The following DKK2 variants were observed in gnomAD, a reference collection of about 807,000 sequenced individuals.
The protein encoded by DKK2 is dickkopf-related protein 2.
In DKK2, 11 loss-of-function variants were observed where a neutral mutation model predicts 28.1. The ratio of observed to expected loss-of-function variants is 0.39; its 90% confidence interval spans 0.25 to 0.65. The LOEUF (loss-of-function observed/expected upper bound fraction) is 0.65, where lower values mean the gene tolerates loss of function less well. DKK2 is among the 30% of genes least tolerant of loss of function. DKK2 has a pLI of 0.47. For missense variants in DKK2, 326 were observed against 335.5 expected (o/e 0.97, Z 0.22); for synonymous variants, 135 against 126.5 (o/e 1.07, Z -0.45).
At chr4:106,940,017 C>G (rs1316218999) in intron 1 of DKK2, among the ~76,000 whole-genome samples, 2 of 152,234 alleles carry the variant, frequency 1.3e-5, no homozygotes, top group East Asian at 3.9e-4. Flanking sequence ...TAGAAGAAAA[C>G]CTAGGCAATA....
rs1724366658 is a variant in DKK2, at chr4:106,922,819, A to G, written c.*1135T>C. 2 of 152,220 alleles carry G rather than the reference A, an allele frequency of 1.3e-5. No homozygotes were observed. Among genetic ancestry groups the G allele is most frequent in the Admixed American group, 6.5e-5 (1 of 15,270 alleles). The allele number at this position is 152,220 out of a possible 1,614,324, so 9.4% of individuals were successfully genotyped here. ...TTTAGACTGTGCATCCCCTGGTTTCAAAGATGAACAGCCAACTTGTGCCTC... is the reference window on the plus strand; with the variant it reads ...TTTAGACTGTGCATCCCCTGGTTTCGAAGATGAACAGCCAACTTGTGCCTC... On this transcript the variant is annotated 3_prime_UTR_variant, in exon 4 of 4. Coordinates refer to ENST00000285311, the MANE Select transcript of DKK2 (RefSeq NM_014421.3).
At chr4:106,939,211 C>T (rs1724651082) in intron 1 of DKK2, among the ~76,000 whole-genome samples, 1 of 152,128 alleles carries the variant, frequency 6.6e-6, no homozygotes, top group Non-Finnish European at 1.5e-5. Flanking sequence ...ATCTAGAAAA[C>T]CCCATTATCT....
chr4:107,035,314 A>C, intron 1 of DKK2, 56 bp downstream of exon 1: 1 of 1,591,624 alleles, frequency 6.3e-7, no homozygotes, highest in South Asian at 1.1e-5. Flanking sequence ...CCGCTAGCCC[A>C]AGAGAGCTGG....
intron 1 of DKK2, among the ~76,000 whole-genome samples, chr4:106,934,663 C>T (rs1048159742): frequency 1.3e-5 from 2 of 152,174 alleles, no homozygotes; most frequent in African/African-American, 4.8e-5. Flanking sequence ...GTTGAATTCT[C>T]TTTCATTTCC....
chr4:107,024,004 A>G lies in DKK2; in HGVS notation c.222+11366T>C, dbSNP rs1464999056. The stretch of plus-strand genomic sequence containing the variant: ...TGTGTTTTCAACAACTTTGAAAAAC[A>G]CTCACTTTCTTCTTTAAAAAGTTTT... On this transcript the variant is annotated intron_variant, in intron 1 of 3. Transcript: ENST00000285311. Among the ~76,000 whole-genome samples, 5 of 152,132 alleles carry G rather than the reference A, an allele frequency of 3.3e-5. No individual in the cohort carries two copies. In the South Asian group the frequency reaches 1.0e-3, roughly 31 times the overall value.
At chr4:107,034,472 G>A (rs530478005) in intron 1 of DKK2, among the ~76,000 whole-genome samples, 1 of 152,254 alleles carries the variant, frequency 6.6e-6, no homozygotes, top group African/African-American at 2.4e-5. Context: ...CCGAGTGTGC[G>A]CGCTCGTCTC....
At chr4:106,989,567 C>G (rs1723175572) in intron 1 of DKK2, among the ~76,000 whole-genome samples, 1 of 152,150 alleles carries the variant, frequency 6.6e-6, no homozygotes, top group Admixed American at 6.5e-5. Flanking sequence ...GTAGAGCACA[C>G]TATAAAAATT....
intron 1 of DKK2, among the ~76,000 whole-genome samples, chr4:107,018,782 G>A (rs934005284): frequency 2.6e-5 from 4 of 151,946 alleles, no homozygotes; most frequent in Non-Finnish European, 5.9e-5. Context: ...TGGACAATAC[G>A]AACTCTATTG....
At chr4:106,947,231 G>A (rs766686668) in intron 1 of DKK2, among the ~76,000 whole-genome samples, 2 of 151,954 alleles carry the variant, frequency 1.3e-5, no homozygotes, top group Non-Finnish European at 2.9e-5. Context: ...TTTATTTATT[G>A]GTCTTGGAAT....
intron 1 of DKK2, among the ~76,000 whole-genome samples, chr4:106,931,627 A>G (rs925353504): frequency 2.0e-5 from 3 of 152,170 alleles, no homozygotes; most frequent in Non-Finnish European, 2.9e-5. Context: ...TAATAAAATG[A>G]CTTCTGACTA....
chr4:106,945,529 A>G (rs917757349), intron 1 of DKK2, among the ~76,000 whole-genome samples: 3 of 152,098 alleles, frequency 2.0e-5, no homozygotes, highest in African/African-American at 7.2e-5. Context: ...TTAACAAACC[A>G]CTTCTCTTTT....
At chr4:106,974,581 A>G (rs1163577940) in intron 1 of DKK2, among the ~76,000 whole-genome samples, 1 of 152,156 alleles carries the variant, frequency 6.6e-6, no homozygotes, top group African/African-American at 2.4e-5. Flanking sequence ...TGATTTTCGC[A>G]CATTGATTTT....
chr4:106,969,676 A>G (rs1722836327), intron 1 of DKK2, among the ~76,000 whole-genome samples: 1 of 152,046 alleles, frequency 6.6e-6, no homozygotes, highest in Non-Finnish European at 1.5e-5. Context: ...CACGTGTGAG[A>G]AATATGCTAC....
chr4:106,939,954 C>A (rs1391696392), intron 1 of DKK2, among the ~76,000 whole-genome samples: 2 of 152,214 alleles, frequency 1.3e-5, no homozygotes, highest in Non-Finnish European at 1.5e-5. Context: ...ATACAAAAAT[C>A]AATTCAAGAT....
At chr4:106,978,554 C>T (rs1463786247) in intron 1 of DKK2, among the ~76,000 whole-genome samples, 1 of 152,094 alleles carries the variant, frequency 6.6e-6, no homozygotes, top group Non-Finnish European at 1.5e-5. Flanking sequence ...GGGAAAACCA[C>T]CTACTCAAGC....
intron 1 of DKK2, among the ~76,000 whole-genome samples, chr4:106,966,523 T>C (rs1042003865): frequency 5.9e-5 from 9 of 152,204 alleles, no homozygotes; most frequent in African/African-American, 2.2e-4. Flanking sequence ...CTAAACTAAA[T>C]GTCTTGATCA....
At chr4:107,002,123 G>T (rs552840028) in intron 1 of DKK2, among the ~76,000 whole-genome samples, 1 of 152,182 alleles carries the variant, frequency 6.6e-6, no homozygotes, top group South Asian at 2.1e-4. Flanking sequence ...TTCCTTCAAA[G>T]AAAAGAAATC....
intron 1 of DKK2, among the ~76,000 whole-genome samples, chr4:107,031,192 C>T (rs979666605): frequency 2.6e-5 from 4 of 151,746 alleles, no homozygotes; most frequent in African/African-American, 9.7e-5. Flanking sequence ...AAAATTTAAT[C>T]GTAAAAATGA....
intron 1 of DKK2, among the ~76,000 whole-genome samples, chr4:106,986,490 A>C (rs1578368747): frequency 6.6e-6 from 1 of 152,154 alleles, no homozygotes; most frequent in East Asian, 1.9e-4. Flanking sequence ...AAGCAATTTC[A>C]GACAAAGTGC....
Sources: gnomAD v4.1 joint callset for allele counts (sites outside exome capture counted in the v4.1 genomes callset) on GRCh38, gnomAD v4.1.1 for gene constraint, MANE v1.5 for transcripts, NCBI Gene and HGNC (gene_info 2026-07-23, HGNC 2026-07-21) for gene names.